The following ENPP3 variants were observed in gnomAD, a reference collection of about 807,000 sequenced individuals.
ENPP3 encodes ectonucleotide pyrophosphatase/phosphodiesterase 3.
Under a neutral mutation model 117.8 loss-of-function variants are expected in ENPP3, and 104 were observed. The ratio of observed to expected loss-of-function variants is 0.88; its 90% CI spans 0.75 to 1.04. ENPP3 has a LOEUF of 1.04. Ranked by LOEUF, ENPP3 falls within the 50% of genes least tolerant of loss-of-function variation. The pLI is 0.00. For synonymous variants in ENPP3, 380 were observed against 349.9 expected (o/e 1.09, Z -0.96); for missense variants, 1,026 against 1,051.9 (o/e 0.98, Z 0.34).
At chr6:131,688,863 C>G (rs1369976497) in intron 14 of ENPP3, among the ~76,000 whole-genome samples, 1 of 145,202 alleles carries the variant, frequency 6.9e-6, no homozygotes, top group East Asian at 2.0e-4. Flanking sequence ...ACCAGCCTGG[C>G]CAACATGGTG....
At chr6:131,638,636 G>A in intron 1 of ENPP3, 2 of 319,452 alleles carry the variant, frequency 6.3e-6, no homozygotes, top group South Asian at 5.2e-5. Context: ...ATGTTGCCCA[G>A]GCTGGTCTCA....
In ENPP3 at chr6:131,685,486, T is replaced by G; in HGVS notation, c.1243T>G (p.Phe415Val). 1 of 1,613,136 alleles carries G rather than the reference T, an allele frequency of 6.2e-7. No individual in the cohort carries two copies. The change falls in exon 13 of 25, where the codon TTT (phenylalanine) becomes GTT (valine). Residue 415 changes from phenylalanine (F) to valine (V), a missense_variant. Coordinates refer to ENST00000357639, the MANE Select transcript of ENPP3 (RefSeq NM_005021.5). ...RIRAHNIPHDFFSFNSEEIVR... is the reference protein window; with the variant it reads ...RIRAHNIPHDVFSFNSEEIVR... ...CCGAGCTCATAATATACCTCATGACTTTTTTAGTTGTAAGTATGAAGACAC... is the reference window on the plus strand; with the variant it reads ...CCGAGCTCATAATATACCTCATGACGTTTTTAGTTGTAAGTATGAAGACAC...
intron 7 of ENPP3, 95 bp from the exon 8 acceptor site, chr6:131,674,067 T>A (rs1778810394): frequency 1.4e-6 from 1 of 732,656 alleles, no homozygotes; most frequent in South Asian, 2.0e-5. Context: ...ATAGTACCTT[T>A]CTTAGGTATG....
In ENPP3 at chr6:131,701,406, C is replaced by T. The variant is rs374333768; in HGVS notation, c.1412+7782C>T. On this transcript the variant is annotated intron_variant, in intron 15 of 24. Coordinates refer to ENST00000357639, the MANE Select transcript of ENPP3 (RefSeq NM_005021.5). ...GGATGTTATATTGTCTCCCATATCC[C>T]TATGACAGAGGAAATCAAGTTAATG... is the stretch of plus-strand genomic sequence containing the variant. The T allele has an allele frequency of 1.9e-6, 3 of 1,612,316 alleles. No individual in the cohort carries two copies. The African/African-American group carries it at 4.0e-5, about 22-fold the overall frequency.
chr6:131,673,197 A>AATAT (rs779229952), intron 7 of ENPP3, among the ~76,000 whole-genome samples: 1 of 151,860 alleles, frequency 6.6e-6, no homozygotes, highest in Non-Finnish European at 1.5e-5. Context: ...AACTAGAAAA[A>AATAT]ATATATATAT....
chr6:131,658,060 A>C (rs1225743566), intron 5 of ENPP3, among the ~76,000 whole-genome samples: 6 of 151,808 alleles, frequency 4.0e-5, no homozygotes, highest in Non-Finnish European at 1.5e-5. Context: ...AGGCTGAGGC[A>C]TGAGAATCAC....
intron 20 of ENPP3, among the ~76,000 whole-genome samples, chr6:131,729,705 G>A (rs1241525736): frequency 6.6e-6 from 1 of 152,050 alleles, no homozygotes; most frequent in Non-Finnish European, 1.5e-5. Context: ...GGACCTTCCT[G>A]TACCTCCCCT....
chr6:131,722,312 C>T lies in ENPP3; in HGVS notation c.1653C>T (p.Ser551=). 6.2e-7 allele frequency: 1 copy of T among 1,613,874 alleles called. No individual in the cohort carries two copies. The highest frequency in any genetic ancestry group is 8.5e-7 in the Non-Finnish European group (1 of 1,179,820). Residue 551 remains serine, a synonymous_variant, in exon 18 of 25, where the codon TCC becomes TCT. Coordinates refer to ENST00000357639, the MANE Select transcript of ENPP3 (RefSeq NM_005021.5). ...HLLKVPFYEP[S]HAEEVSKFSV... is the part of the protein sequence containing the mutation. Reference sequence around the variant, plus strand: ...TGAAGGTGCCTTTTTATGAGCCATCCCATGCAGAGGAGGTGTCAAAGTTTT... The same window carrying T: ...TGAAGGTGCCTTTTTATGAGCCATCTCATGCAGAGGAGGTGTCAAAGTTTT...
intron 24 of ENPP3, among the ~76,000 whole-genome samples, chr6:131,745,527 A>T (rs1355155219): frequency 6.6e-6 from 1 of 152,160 alleles, no homozygotes; most frequent in African/African-American, 2.4e-5. Context: ...GAATACCAGA[A>T]AATTATTCTT....
At chr6:131,659,132 C>A (rs1778446092) in intron 6 of ENPP3, among the ~76,000 whole-genome samples, 2 of 152,090 alleles carry the variant, frequency 1.3e-5, no homozygotes, top group South Asian at 2.1e-4. Context: ...GGCCTTCACA[C>A]AATTTAATAA....
chr6:131,701,236 C>T lies in ENPP3; in HGVS notation c.1412+7612C>T, dbSNP rs555065166. 9.4e-4 allele frequency: 1,294 copies of T among 1,371,826 alleles called. 22 individuals carry two copies. The East Asian group carries it at 0.028, about 30-fold the overall frequency. The allele number at this position is 1,371,826 out of a possible 1,614,324, so 85.0% of individuals were successfully genotyped here. On this transcript the variant is annotated intron_variant, in intron 15 of 24. Transcript: ENST00000357639. ...TGTGAGAGGAAGAAGTACATGGGGG[C>T]GTGCAGTCTGGAGTCCAGTGAGATG...
At chr6:131,646,744 C>CTT (rs60833768) in intron 2 of ENPP3, among the ~76,000 whole-genome samples, 44 of 128,892 alleles carry the variant, frequency 3.4e-4, no homozygotes, top group Non-Finnish European at 6.0e-4. Context: ...AAGCTCTTGG[C>CTT]TTTTTTTTTT....
chr6:131,660,116 C>T (rs1404806028), intron 6 of ENPP3, among the ~76,000 whole-genome samples: 2 of 152,100 alleles, frequency 1.3e-5, no homozygotes, highest in East Asian at 3.9e-4. Context: ...TCTCAGAGGC[C>T]TGATTAAGAA....
intron 24 of ENPP3, among the ~76,000 whole-genome samples, chr6:131,742,703 A>G (rs201940449): frequency 6.3e-5 from 4 of 63,954 alleles, no homozygotes; most frequent in Non-Finnish European, 1.1e-4. Context: ...CTTACAGGCT[A>G]TAAGTTCCAG....
intron 14 of ENPP3, among the ~76,000 whole-genome samples, chr6:131,691,588 CA>C (rs34849891): frequency 0.054 from 4,566 of 85,004 alleles, 64 homozygotes; most frequent in Middle Eastern, 0.079. Flanking sequence ...GACTCAGTCT[CA>C]AAAAAAAAAA....
intron 2 of ENPP3, among the ~76,000 whole-genome samples, chr6:131,642,171 C>A (rs1778059389): frequency 6.6e-6 from 1 of 152,074 alleles, no homozygotes; most frequent in African/African-American, 2.4e-5. Flanking sequence ...TTTTCAACAT[C>A]TGATGACAAA....
intron 21 of ENPP3, among the ~76,000 whole-genome samples, chr6:131,736,218 C>G (rs1780394191): frequency 1.3e-5 from 2 of 152,320 alleles, no homozygotes; most frequent in South Asian, 4.1e-4. Context: ...AGCCATAAAT[C>G]CTCAGAGCCC....
chr6:131,682,907 A>C (rs73552660), intron 11 of ENPP3, 147 bp from the exon 12 acceptor site: 19,000 of 628,246 alleles, frequency 0.03, 651 homozygotes, highest in African/African-American at 0.13. Context: ...ATATGGTAGC[A>C]TGGGTGCTAG....
chr6:131,741,729 G>C lies in ENPP3; in HGVS notation c.2457+1349G>C, dbSNP rs139695299. Among the ~76,000 whole-genome samples the C allele has an allele frequency of 7.2e-5, 11 of 152,292 alleles. No homozygotes were observed. The East Asian group carries it at 2.1e-3, about 29-fold the overall frequency. ...GCAGAAAGAGGAAGGTTGGGAATGAGAACTTTTTGGCAGGTAGATAGGATA... is the reference window on the plus strand; with the variant it reads ...GCAGAAAGAGGAAGGTTGGGAATGACAACTTTTTGGCAGGTAGATAGGATA... On this transcript the variant is annotated intron_variant, in intron 24 of 24. Transcript: ENST00000357639.
Sources: gnomAD v4.1 joint callset for allele counts (sites outside exome capture counted in the v4.1 genomes callset) on GRCh38, gnomAD v4.1.1 for gene constraint, MANE v1.5 for transcripts, NCBI Gene and HGNC (gene_info 2026-07-23, HGNC 2026-07-21) for gene names.